Variants in C1orf50 observed in about 807,000 individuals in gnomAD.
The protein encoded by C1orf50 is chromosome 1 open reading frame 50.
C1orf50 carries 22 observed loss-of-function variants against 23.3 expected under a neutral mutation model. The ratio of observed to expected loss-of-function variants is 0.94; its 90% CI spans 0.67 to 1.35. C1orf50 has a LOEUF of 1.35. C1orf50 is among the 40% of genes most tolerant of loss of function. C1orf50 has a pLI of 0.00. For missense variants in C1orf50, 271 were observed against 249.4 expected (o/e 1.09, Z -0.58); for synonymous variants, 96 against 102.4 (o/e 0.94, Z 0.38).
intron 2 of C1orf50, among the ~76,000 whole-genome samples, chr1:42,767,859 A>G (rs932284428): frequency 2.0e-5 from 3 of 152,212 alleles, no homozygotes; most frequent in Non-Finnish European, 4.4e-5. Flanking sequence ...CTTCGTGGGA[A>G]GGTTTACACA....
At chr1:42,768,138 G>T (rs560114651) in intron 2 of C1orf50, among the ~76,000 whole-genome samples, 129 of 152,262 alleles carry the variant, frequency 8.5e-4, no homozygotes, top group Middle Eastern at 3.4e-3. Flanking sequence ...CAAATAAGGA[G>T]GAAATGTGAA....
intron 2 of C1orf50, among the ~76,000 whole-genome samples, chr1:42,770,191 G>A (rs561027628): frequency 1.3e-4 from 19 of 151,974 alleles, no homozygotes; most frequent in East Asian, 3.9e-4. Context: ...TAAGTTGTTC[G>A]TGAAATATTT....
At position 42,776,482 on chromosome 1, in the gene C1orf50, G is replaced by C. The variant is rs1016590617; in HGVS notation, c.*1088G>C. Reference sequence around the variant, plus strand: ...TAAAAGGAGGGAGAGATGTGTACTTGAACTGACAATTGGCCAAATTTCTCT... The same window carrying C: ...TAAAAGGAGGGAGAGATGTGTACTTCAACTGACAATTGGCCAAATTTCTCT... On this transcript the variant is annotated 3_prime_UTR_variant, in exon 5 of 5. Transcript: ENST00000372525. 1 of 152,224 alleles carries C rather than the reference G, an allele frequency of 6.6e-6. No homozygotes were observed. The highest frequency in any genetic ancestry group is 1.9e-4 in the East Asian group (1 of 5,194). The allele number at this position is 152,224 out of a possible 1,614,324, so 9.4% of individuals were successfully genotyped here.
intron 2 of C1orf50, chr1:42,773,087 A>T (rs1378252365): frequency 1.3e-5 from 2 of 153,166 alleles, no homozygotes; most frequent in African/African-American, 4.8e-5. Flanking sequence ...GCCAGATCAC[A>T]AGTGTCTTTT....
At chr1:42,773,302 T>TC (rs1653261579) in intron 2 of C1orf50, 1 of 289,228 alleles carries the variant, frequency 3.5e-6, no homozygotes, top group Non-Finnish European at 6.6e-6. Flanking sequence ...TAACTGCAGT[T>TC]CATAGCGAAG....
At chr1:42,774,315 C>T (rs932463680) in intron 3 of C1orf50, among the ~76,000 whole-genome samples, 1 of 151,488 alleles carries the variant, frequency 6.6e-6, no homozygotes, top group African/African-American at 2.4e-5. Flanking sequence ...GCAACCTCTG[C>T]CCCCTGGGCT....
rs139747103 is a variant in C1orf50 at position 42,774,722 on chromosome 1, A to G, written c.283-15A>G. The G allele has an allele frequency of 2.4e-3, 3,760 of 1,590,700 alleles. 4 individuals carry two copies. Among genetic ancestry groups the G allele is most frequent in the Non-Finnish European group, 3.1e-3 (3,554 of 1,163,278 alleles). On this transcript the variant is annotated splice_polypyrimidine_tract_variant and intron_variant, in intron 3 of 4. Coordinates refer to ENST00000372525, the MANE Select transcript of C1orf50 (RefSeq NM_024097.4). ...ATCTCCAATACCTAATTTGTTACATATCTGTGATTCATAGGTACTGGAAGA... is the reference window on the plus strand; with the variant it reads ...ATCTCCAATACCTAATTTGTTACATGTCTGTGATTCATAGGTACTGGAAGA...
At position 42,773,588 on chromosome 1, in the gene C1orf50, C is replaced by T; in HGVS notation, c.221C>T (p.Ala74Val). 4 of 1,612,526 alleles carry T rather than the reference C, an allele frequency of 2.5e-6. No homozygotes were observed. The highest frequency in any genetic ancestry group is 3.4e-6 in the Non-Finnish European group (4 of 1,178,792). Residue 74 changes from alanine to valine, a missense_variant, in exon 3 of 5, where the codon GCC becomes GTC. Coordinates refer to ENST00000372525, the MANE Select transcript of C1orf50 (RefSeq NM_024097.4). ...GCTGATGAATTCATCCGAGCAAATG[C>T]CACCAACAAGCTGACAGTCATAGCT... ...QKADEFIRAN[A>V]TNKLTVIAEQ...
At position 42,778,051 on chromosome 1, in the gene C1orf50, G is replaced by A. The variant is rs530637675; in HGVS notation, c.*2657G>A. 6.6e-6 allele frequency: 1 copy of A among 151,976 alleles called. No homozygotes were observed. The highest frequency in any genetic ancestry group is 1.5e-5 in the Non-Finnish European group (1 of 68,004). The allele number at this position is 151,976 out of a possible 1,614,324, so 9.4% of individuals were successfully genotyped here. On this transcript the variant is annotated 3_prime_UTR_variant, in exon 5 of 5. Coordinates refer to ENST00000372525, the MANE Select transcript of C1orf50 (RefSeq NM_024097.4). Reference sequence around the variant, plus strand: ...GTACTCCCTGCACTGACCACCAAGGGGTGTCATTGCTCTTTCCTGGTTAAG... The same window carrying A: ...GTACTCCCTGCACTGACCACCAAGGAGTGTCATTGCTCTTTCCTGGTTAAG...
At position 42,775,919 on chromosome 1, in the gene C1orf50, A is replaced by C. The variant is rs1205660535; in HGVS notation, c.*525A>C. On this transcript the variant is annotated 3_prime_UTR_variant, in exon 5 of 5. Coordinates refer to ENST00000372525, the MANE Select transcript of C1orf50 (RefSeq NM_024097.4). ...AACAACAACAACAACAAAAAAAAAA[A>C]CACTTGGCTTGGCTGGACCAGAGAG... 1 of 151,322 alleles carries C rather than the reference A, an allele frequency of 6.6e-6. No homozygotes were observed. The highest frequency in any genetic ancestry group is 1.5e-5 in the Non-Finnish European group (1 of 67,916). 9.4% of individuals were successfully genotyped at this position (151,322 alleles called of 1,614,324 possible). A position where few individuals can be genotyped will look rare whatever the true frequency, so the allele number is the denominator to read the frequency against.
intron 2 of C1orf50, 72 bp from the exon 3 acceptor site, chr1:42,773,490 TG>T: frequency 1.1e-6 from 1 of 932,692 alleles, no homozygotes; most frequent in Non-Finnish European, 1.7e-6. Flanking sequence ...AACATAACCC[TG>T]GGATCAAGAT....
Position 42,777,112 on chromosome 1 carries a change from T to C in C1orf50, c.*1718T>C, listed in dbSNP as rs545123899. 1.3e-5 allele frequency: 2 copies of C among 152,398 alleles called. No individual in the cohort carries two copies. The highest frequency in any genetic ancestry group is 1.9e-4 in the East Asian group (1 of 5,180). 9.4% of individuals were successfully genotyped at this position (152,398 alleles called of 1,614,324 possible). ...AATTTCTTTTCTTTCCTTTCTTTTT[T>C]TTTGAGACAGAGTCTCGCTGTATTG... is the stretch of plus-strand genomic sequence containing the variant. On this transcript the variant is annotated 3_prime_UTR_variant, in exon 5 of 5. Transcript: ENST00000372525.
intron 2 of C1orf50, among the ~76,000 whole-genome samples, chr1:42,771,646 C>T (rs1653223409): frequency 6.6e-6 from 1 of 152,078 alleles, no homozygotes. Flanking sequence ...ATAGTGATTA[C>T]ATGTTAAAAT....
At chr1:42,769,995 C>T (rs41269517) in intron 2 of C1orf50, among the ~76,000 whole-genome samples, 9 of 152,242 alleles carry the variant, frequency 5.9e-5, no homozygotes, top group Non-Finnish European at 1.3e-4. Context: ...GACAGGTTGC[C>T]TCATGTCTGT....
intron 2 of C1orf50, chr1:42,769,697 G>A (rs141296408): frequency 6.6e-6 from 1 of 152,042 alleles, no homozygotes; most frequent in African/African-American, 2.4e-5. Flanking sequence ...CAAAAAATTA[G>A]CCGGGCATGG....
chr1:42,768,455 G>C (rs1653137002), intron 2 of C1orf50, among the ~76,000 whole-genome samples: 1 of 151,986 alleles, frequency 6.6e-6, no homozygotes, highest in African/African-American at 2.4e-5. Flanking sequence ...TATCAGATTT[G>C]GCCTTGATTA....
chr1:42,769,479 G>A (rs1276563990), intron 2 of C1orf50, among the ~76,000 whole-genome samples: 1 of 151,896 alleles, frequency 6.6e-6, no homozygotes, highest in Non-Finnish European at 1.5e-5. Context: ...CTGGGAGGCA[G>A]AGGTTGCAGT....
In C1orf50 at chr1:42,767,603, G is replaced by C. The variant is rs750405035; in HGVS notation, c.174G>C (p.Ala58=). ...CCGGGGACCCCTTAGACCTCGTGGCGCTCGCAGAGCAGGTGCAGAAGGTGA... is the reference window on the plus strand; with the variant it reads ...CCGGGGACCCCTTAGACCTCGTGGCCCTCGCAGAGCAGGTGCAGAAGGTGA... ...HRAGDPLDLV[A]LAEQVQKADE... The change falls in exon 2 of 5, where the codon GCG becomes GCC. Residue 58 remains alanine, a synonymous_variant. Transcript: ENST00000372525. 2 of 1,611,630 alleles carry C rather than the reference G, an allele frequency of 1.2e-6. No homozygotes were observed. The highest frequency in any genetic ancestry group is 2.7e-5 in the African/African-American group (2 of 74,926).
rs937333420 is a variant in C1orf50, at chr1:42,775,590, G to A, written c.*196G>A. ...CATTGAGACAGAGTCACTGTCTTTC[G>A]GGATCCTCTTTGGACCACAGATACC... On this transcript the variant is annotated 3_prime_UTR_variant, in exon 5 of 5. Transcript: ENST00000372525. The A allele has an allele frequency of 3.3e-5, 16 of 489,112 alleles. No individual in the cohort carries two copies. Among genetic ancestry groups the A allele is most frequent in the Middle Eastern group, 5.6e-4 (1 of 1,786 alleles). The allele number at this position is 489,112 out of a possible 1,614,324, so 30.3% of individuals were successfully genotyped here. A position where few individuals can be genotyped will look rare whatever the true frequency, so the allele number is the denominator to read the frequency against.
Sources: allele counts gnomAD v4.1 joint callset (sites outside exome capture counted in the v4.1 genomes callset), GRCh38; gene constraint gnomAD v4.1.1; transcripts MANE v1.5; gene names NCBI Gene and HGNC (gene_info 2026-07-23, HGNC 2026-07-21).